Variants in ARHGAP25 observed in about 807,000 individuals in gnomAD.
ARHGAP25 encodes the protein rho GTPase-activating protein 25.
Under a neutral mutation model 71.0 loss-of-function variants are expected in ARHGAP25, and 34 were observed. The observed-to-expected ratio is 0.48, with a 90% CI of 0.36 to 0.64. The LOEUF (loss-of-function observed/expected upper bound fraction) is 0.64, where lower values mean the gene tolerates loss of function less well. Ranked by LOEUF, ARHGAP25 falls within the 30% of genes least tolerant of loss-of-function variation. The probability of loss-of-function intolerance (pLI) is 0.00; values close to 1 mark genes in which losing one functional copy is unlikely to be tolerated. For missense variants in ARHGAP25, 706 were observed against 805.1 expected (o/e 0.88, Z 1.49); for synonymous variants, 282 against 296.5 (o/e 0.95, Z 0.50).
chr2:68,815,443 CTTTTTT>C (rs796100406), intron 6 of ARHGAP25, among the ~76,000 whole-genome samples: 1 of 62,288 alleles, frequency 1.6e-5, no homozygotes, highest in East Asian at 5.2e-4. Flanking sequence ...TGTGTACTCT[CTTTTTT>C]TTTTTTTTTT....
chr2:68,726,206 C>T (rs1026696414), intron 2 of ARHGAP25, among the ~76,000 whole-genome samples: 2 of 152,222 alleles, frequency 1.3e-5, no homozygotes, highest in Non-Finnish European at 2.9e-5. Context: ...AGAGCACTGC[C>T]TGATCCCTAA....
chr2:68,762,932 A>G (rs935698384), intron 1 of ARHGAP25, among the ~76,000 whole-genome samples: 8 of 152,250 alleles, frequency 5.3e-5, no homozygotes, highest in African/African-American at 1.9e-4. Context: ...GCAGCTGATA[A>G]TGTTTGACAG....
intron 4 of ARHGAP25, 188 bp from the exon 5 acceptor site, chr2:68,807,085 A>T: frequency 1.6e-6 from 1 of 608,344 alleles, no homozygotes; most frequent in Non-Finnish European, 2.9e-6. Flanking sequence ...AAGACTGATA[A>T]AGACTGCCTC....
intron 2 of ARHGAP25, 58 bp downstream of exon 2, chr2:68,775,478 C>T (rs1446139019): frequency 1.2e-6 from 2 of 1,609,976 alleles, no homozygotes; most frequent in Admixed American, 1.7e-5. Context: ...GCCTGGAGCC[C>T]GCTGGGATTT....
chr2:68,727,087 G>A (rs1674901205), intron 2 of ARHGAP25, among the ~76,000 whole-genome samples: 1 of 152,138 alleles, frequency 6.6e-6, no homozygotes, highest in Non-Finnish European at 1.5e-5. Context: ...TACATGCTGA[G>A]GCATCTGTCA....
chr2:68,796,491 A>G (rs577284752), intron 4 of ARHGAP25, among the ~76,000 whole-genome samples: 131 of 152,288 alleles, frequency 8.6e-4, no homozygotes, highest in African/African-American at 3.1e-3. Flanking sequence ...TACATTCATT[A>G]TGGGGTGGGG....
At chr2:68,754,193 C>G (rs1333201069) in intron 1 of ARHGAP25, among the ~76,000 whole-genome samples, 1 of 152,178 alleles carries the variant, frequency 6.6e-6, no homozygotes, top group Non-Finnish European at 1.5e-5. Flanking sequence ...GTAACAACCA[C>G]CACAATCAAG....
chr2:68,763,662 CATTCCTGGAAT>C (rs1229662611), intron 1 of ARHGAP25, among the ~76,000 whole-genome samples: 1 of 152,152 alleles, frequency 6.6e-6, no homozygotes, highest in Non-Finnish European at 1.5e-5. Context: ...AGTATTCTTG[CATTCCTGGAAT>C]ATTCCAGACA....
At chr2:68,773,228 CTG>C (rs1573492659) in intron 1 of ARHGAP25, among the ~76,000 whole-genome samples, 1 of 152,160 alleles carries the variant, frequency 6.6e-6, no homozygotes, top group African/African-American at 2.4e-5. Context: ...CAGAAAGACT[CTG>C]TAATGCCATA....
intron 3 of ARHGAP25, among the ~76,000 whole-genome samples, chr2:68,784,520 G>C (rs1395176806): frequency 1.3e-5 from 2 of 151,890 alleles, no homozygotes; most frequent in Non-Finnish European, 2.9e-5. Context: ...TTGGGGGCAG[G>C]CAACAATTTA....
At chr2:68,802,567 G>A (rs1383851046) in intron 4 of ARHGAP25, among the ~76,000 whole-genome samples, 2 of 152,132 alleles carry the variant, frequency 1.3e-5, no homozygotes, top group South Asian at 4.2e-4. Flanking sequence ...AGAGTACCTG[G>A]CACTTGATGA....
At chr2:68,795,027 C>A (rs1432661656) in intron 4 of ARHGAP25, among the ~76,000 whole-genome samples, 2 of 151,994 alleles carry the variant, frequency 1.3e-5, no homozygotes, top group Non-Finnish European at 2.9e-5. Context: ...AGGAATTTAT[C>A]CATTTCCTCT....
intron 2 of ARHGAP25, among the ~76,000 whole-genome samples, chr2:68,724,692 T>C (rs1351169683): frequency 6.6e-6 from 1 of 152,264 alleles, no homozygotes; most frequent in Admixed American, 6.5e-5. Context: ...AGATGTTTAC[T>C]GGGCATCTTT....
At chr2:68,716,940 G>T (rs1674625136) in intron 2 of ARHGAP25, among the ~76,000 whole-genome samples, 1 of 152,110 alleles carries the variant, frequency 6.6e-6, no homozygotes, top group Non-Finnish European at 1.5e-5. Flanking sequence ...TTTGTTTTAT[G>T]TGTATTCCTT....
rs117838170 is a variant in ARHGAP25 at position 68,777,137 on chromosome 2, C to A, written c.261+1717C>A. On this transcript the variant is annotated intron_variant, in intron 2 of 10. Transcript: ENST00000409202. ...CTTATTAAAGCCAAGCAATTCCAGG[C>A]TAAGATGGCGGTTGATATGTTAAGA... is the stretch of plus-strand genomic sequence containing the variant. 1.7e-4 allele frequency among the ~76,000 whole-genome samples: 26 copies of A among 152,212 alleles called. No individual in the cohort carries two copies. The East Asian group carries it at 5.0e-3, about 29-fold the overall frequency.
chr2:68,822,266 C>G (rs35216182), intron 9 of ARHGAP25, 74 bp from the exon 10 acceptor site: 293,646 of 1,462,938 alleles, frequency 0.2, 31,445 homozygotes, highest in East Asian at 0.4. Flanking sequence ...TTTGGGGTCT[C>G]TAATCCATAC....
intron 1 of ARHGAP25, among the ~76,000 whole-genome samples, chr2:68,774,173 G>GTAT (rs1477100333): frequency 6.6e-6 from 1 of 152,170 alleles, no homozygotes; most frequent in African/African-American, 2.4e-5. Flanking sequence ...CAGACACTGG[G>GTAT]TATTAGCAAG....
At chr2:68,792,298 A>G (rs4854518) in intron 4 of ARHGAP25, among the ~76,000 whole-genome samples, 49,580 of 152,010 alleles carry the variant, frequency 0.33, 8,719 homozygotes, top group Non-Finnish European at 0.38. Flanking sequence ...TACAGGTGCA[A>G]ATTTGTTACA....
chr2:68,750,496 T>C lies in ARHGAP25; in HGVS notation c.61+15236T>C, dbSNP rs117554832. On this transcript the variant is annotated intron_variant, in intron 1 of 10. Coordinates refer to ENST00000409202, the MANE Select transcript of ARHGAP25 (RefSeq NM_001007231.3). Reference sequence around the variant, plus strand: ...TGTCACCATGCTCGGCGTATTTGTATTTTTAGTAGAGACTGGGTTTTGCTA... The same window carrying C: ...TGTCACCATGCTCGGCGTATTTGTACTTTTAGTAGAGACTGGGTTTTGCTA... 1.8e-4 allele frequency among the ~76,000 whole-genome samples: 27 copies of C among 152,204 alleles called. No individual in the cohort carries two copies. In the East Asian group the frequency reaches 5.0e-3, roughly 28 times the overall value.
Sources: gnomAD v4.1 joint callset for allele counts (sites outside exome capture counted in the v4.1 genomes callset) on GRCh38, gnomAD v4.1.1 for gene constraint, MANE v1.5 for transcripts, NCBI Gene and HGNC (gene_info 2026-07-23, HGNC 2026-07-21) for gene names.